Variants in FER observed in about 807,000 individuals in gnomAD.
FER encodes tyrosine-protein kinase Fer.
FER carries 63 observed loss-of-function variants against 111.0 expected under a neutral mutation model. That is an observed-to-expected ratio of 0.57 (90% confidence interval 0.46 to 0.70). The LOEUF (loss-of-function observed/expected upper bound fraction) is 0.70, where lower values mean the gene tolerates loss of function less well. FER is among the 30% of genes least tolerant of loss of function. The pLI, the probability that FER is intolerant of heterozygous loss-of-function variation, is 0.00. For synonymous variants in FER, 327 were observed against 313.9 expected, an observed-to-expected ratio of 1.04 and a Z score of -0.44; for missense variants, 914 against 954.0, an observed-to-expected ratio of 0.96 and a Z score of 0.55.
chr5:109,078,383 T>G (rs568074807), intron 16 of FER, among the ~76,000 whole-genome samples: 4 of 152,338 alleles, frequency 2.6e-5, no homozygotes, highest in African/African-American at 9.6e-5. Context: ...GTGGCTAATT[T>G]AATATTGCAT....
At chr5:109,163,213 C>A (rs956528634) in intron 17 of FER, among the ~76,000 whole-genome samples, 1 of 151,330 alleles carries the variant, frequency 6.6e-6, no homozygotes, top group Admixed American at 6.6e-5. Flanking sequence ...CATATTATTG[C>A]GTATGTTAGT....
rs1355221110 is a variant in FER at position 109,192,701 on chromosome 5, G to A, written c.*5126G>A. On this transcript the variant is annotated 3_prime_UTR_variant, in exon 20 of 20. Coordinates refer to ENST00000281092, the MANE Select transcript of FER (RefSeq NM_005246.4). ...AACCTGGGCTAAAGTCTCCTAAATG[G>A]GACTACACTTAGATCCGCCCTATTT... The A allele has an allele frequency of 6.6e-6, 1 of 152,054 alleles. No individual in the cohort carries two copies. Among genetic ancestry groups the A allele is most frequent in the Non-Finnish European group, 1.5e-5 (1 of 68,000 alleles). 9.4% of individuals were successfully genotyped at this position (152,054 alleles called of 1,614,324 possible).
chr5:108,752,877 G>A (rs1043002276), intron 1 of FER, among the ~76,000 whole-genome samples: 5 of 151,882 alleles, frequency 3.3e-5, no homozygotes, highest in African/African-American at 9.7e-5. Context: ...ACTTTTTTTA[G>A]TAGGTATTAA....
intron 5 of FER, chr5:108,842,128 T>G: frequency 5.8e-6 from 1 of 172,466 alleles, no homozygotes; most frequent in Middle Eastern, 2.7e-3. Flanking sequence ...GAGGTTTGCT[T>G]CAAAATTATC....
chr5:109,062,025 G>A (rs1774482366), intron 16 of FER, among the ~76,000 whole-genome samples: 1 of 151,434 alleles, frequency 6.6e-6, no homozygotes, highest in African/African-American at 2.4e-5. Flanking sequence ...TGAATACTTT[G>A]CTTGCTTGCT....
At chr5:108,926,764 A>T (rs1753796848) in intron 10 of FER, among the ~76,000 whole-genome samples, 1 of 152,202 alleles carries the variant, frequency 6.6e-6, no homozygotes, top group South Asian at 2.1e-4. Flanking sequence ...TGATCATAGG[A>T]AGCCTTTGTA....
At chr5:108,929,529 C>A (rs1425160337) in intron 10 of FER, among the ~76,000 whole-genome samples, 1 of 151,966 alleles carries the variant, frequency 6.6e-6, no homozygotes, top group Non-Finnish European at 1.5e-5. Context: ...TTGGCTTTTC[C>A]TTTGCATTTA....
In FER at chr5:109,194,855, G is replaced by C. The variant is rs1759624960; in HGVS notation, c.*7280G>C. ...ATAGTATAACCTTGGTGTCTTCTTT[G>C]AGTTGCCTGGACAGTATTTATGAAA... On this transcript the variant is annotated 3_prime_UTR_variant, in exon 20 of 20. Coordinates refer to ENST00000281092, the MANE Select transcript of FER (RefSeq NM_005246.4). The C allele has an allele frequency of 6.6e-6, 1 of 151,768 alleles. No homozygotes were observed. The highest frequency in any genetic ancestry group is 1.5e-5 in the Non-Finnish European group (1 of 67,898). The allele number at this position is 151,768 out of a possible 1,614,324, so 9.4% of individuals were successfully genotyped here. A position where few individuals can be genotyped will look rare whatever the true frequency, so the allele number is the denominator to read the frequency against.
chr5:108,792,525 C>T (rs1481477597), intron 2 of FER, among the ~76,000 whole-genome samples: 4 of 151,788 alleles, frequency 2.6e-5, no homozygotes, highest in South Asian at 2.1e-4. Context: ...TTAGTAGAGA[C>T]GGAGTTTCTC....
At chr5:109,123,154 C>CTAGT (rs1751213502) in intron 17 of FER, among the ~76,000 whole-genome samples, 1 of 118,688 alleles carries the variant, frequency 8.4e-6, no homozygotes, top group Non-Finnish European at 1.8e-5. Flanking sequence ...TCCTTCCTGT[C>CTAGT]TTGTTTTTTT....
chr5:108,893,478 G>A (rs569614586), intron 9 of FER, among the ~76,000 whole-genome samples: 6 of 151,590 alleles, frequency 4.0e-5, no homozygotes, highest in South Asian at 2.1e-4. Context: ...ACTCTTTTCT[G>A]CAGAGTCAGT....
rs1358228526 is a variant in FER at position 109,115,807 on chromosome 5, T to TA, written c.2048+15294dup. The stretch of plus-strand genomic sequence containing the variant: ...GCTTTCTGTTTATAATTCAAAATTA[T>TA]AAAAAATCACTTACACAAATACTAC... On this transcript the variant is annotated intron_variant, in intron 17 of 19. Transcript: ENST00000281092. 3.3e-5 allele frequency among the ~76,000 whole-genome samples: 5 copies of TA among 152,214 alleles called. No individual in the cohort carries two copies. The East Asian group carries it at 9.7e-4, about 29-fold the overall frequency.
intron 13 of FER, among the ~76,000 whole-genome samples, chr5:108,970,021 T>C (rs941333073): frequency 1.4e-5 from 2 of 147,896 alleles, no homozygotes; most frequent in Non-Finnish European, 2.9e-5. Flanking sequence ...TAGAACACTA[T>C]AGAGCAATGT....
chr5:109,044,076 T>C (rs765268612), intron 14 of FER, among the ~76,000 whole-genome samples: 1 of 152,154 alleles, frequency 6.6e-6, no homozygotes, highest in Non-Finnish European at 1.5e-5. Flanking sequence ...GCTGTTGTGC[T>C]AGTGTGTTAG....
intron 13 of FER, among the ~76,000 whole-genome samples, chr5:108,964,373 G>A (rs567231306): frequency 6.6e-6 from 1 of 152,252 alleles, no homozygotes; most frequent in South Asian, 2.1e-4. Flanking sequence ...CTGTGTGGTT[G>A]TATAAAGGGG....
chr5:108,751,443 A>C (rs1750497906), intron 1 of FER, among the ~76,000 whole-genome samples: 1 of 152,212 alleles, frequency 6.6e-6, no homozygotes, highest in Non-Finnish European at 1.5e-5. Context: ...GCATTTTGGT[A>C]ATCAGACAAA....
chr5:109,172,030 T>C (rs1304189199), intron 17 of FER, among the ~76,000 whole-genome samples: 1 of 152,146 alleles, frequency 6.6e-6, no homozygotes. Context: ...TTTTACACTG[T>C]TGGTGGGAAG....
At chr5:108,995,256 G>A (rs1307750573) in intron 13 of FER, among the ~76,000 whole-genome samples, 1 of 151,782 alleles carries the variant, frequency 6.6e-6, no homozygotes, top group African/African-American at 2.4e-5. Flanking sequence ...TGTCATAAAT[G>A]GCTTTTCTTT....
chr5:109,044,086 G>C lies in FER; in HGVS notation c.1714-594G>C, dbSNP rs574486151. On this transcript the variant is annotated intron_variant, in intron 14 of 19. Transcript: ENST00000281092. Reference sequence around the variant, plus strand: ...GAATAGCTGTTGTGCTAGTGTGTTAGTCTTGTTTATCTTCTCGGTAATGTT... The same window carrying C: ...GAATAGCTGTTGTGCTAGTGTGTTACTCTTGTTTATCTTCTCGGTAATGTT... Among the ~76,000 whole-genome samples the C allele has an allele frequency of 5.9e-5, 9 of 152,080 alleles. No homozygotes were observed. In the South Asian group the frequency reaches 1.9e-3, roughly 32 times the overall value.
Sources: gnomAD v4.1 joint callset for allele counts (sites outside exome capture counted in the v4.1 genomes callset) on GRCh38, gnomAD v4.1.1 for gene constraint, MANE v1.5 for transcripts, NCBI Gene and HGNC (gene_info 2026-07-23, HGNC 2026-07-21) for gene names.